The following ASAP1 variants were observed in gnomAD, a reference collection of about 807,000 sequenced individuals.
ASAP1 encodes ArfGAP with SH3 domain, ankyrin repeat and PH domain 1, also known as arf-GAP with SH3 domain, ANK repeat and PH domain-containing protein 1.
Under a neutral mutation model 145.2 loss-of-function variants are expected in ASAP1, and 43 were observed. The ratio of observed to expected loss-of-function variants is 0.30; its 90% confidence interval spans 0.23 to 0.38. The LOEUF is 0.38. ASAP1 is among the 10% of genes least tolerant of loss of function. The probability of loss-of-function intolerance (pLI) is 1.00; values close to 1 mark genes in which losing one functional copy is unlikely to be tolerated. For synonymous variants in ASAP1, 546 were observed against 515.5 expected, an observed-to-expected ratio of 1.06 and a Z score of -0.80; for missense variants, 1,018 against 1,355.3, an observed-to-expected ratio of 0.75 and a Z score of 3.91.
chr8:130,267,125 A>C (rs1389978660), intron 3 of ASAP1, among the ~76,000 whole-genome samples: 1 of 141,494 alleles, frequency 7.1e-6, no homozygotes, highest in South Asian at 2.2e-4. Flanking sequence ...CAAACAAACA[A>C]AAAAAAAACA....
At chr8:130,306,808 C>T (rs994423241) in intron 3 of ASAP1, among the ~76,000 whole-genome samples, 5 of 152,212 alleles carry the variant, frequency 3.3e-5, no homozygotes, top group African/African-American at 9.6e-5. Flanking sequence ...TATTCCCCAT[C>T]TCTCTGTCTT....
intron 2 of ASAP1, among the ~76,000 whole-genome samples, chr8:130,373,027 C>T (rs1343152402): frequency 1.3e-5 from 2 of 151,494 alleles, no homozygotes; most frequent in East Asian, 3.9e-4. Flanking sequence ...CACAGACACA[C>T]ACACACATAC....
chr8:130,122,094 C>T (rs55823176), intron 18 of ASAP1, among the ~76,000 whole-genome samples: 4,010 of 152,244 alleles, frequency 0.026, 63 homozygotes, highest in Middle Eastern at 0.044. Context: ...CCTTCATGCC[C>T]CTCAATTCTG....
chr8:130,426,718 T>A (rs1401141324), intron 1 of ASAP1, among the ~76,000 whole-genome samples: 3 of 152,164 alleles, frequency 2.0e-5, no homozygotes, highest in African/African-American at 7.2e-5. Context: ...CTCCCTCAGC[T>A]CCTTTGGGTC....
intron 27 of ASAP1, among the ~76,000 whole-genome samples, chr8:130,066,300 T>C (rs1242910051): frequency 6.6e-6 from 1 of 152,230 alleles, no homozygotes; most frequent in African/African-American, 2.4e-5. Flanking sequence ...CACAGGCTTG[T>C]ACTGCTGGTT....
At chr8:130,315,625 T>C (rs568715860) in intron 3 of ASAP1, among the ~76,000 whole-genome samples, 3 of 152,292 alleles carry the variant, frequency 2.0e-5, no homozygotes, top group South Asian at 2.1e-4. Flanking sequence ...TCCCATGAGG[T>C]GTCTGGAGTG....
intron 12 of ASAP1, among the ~76,000 whole-genome samples, chr8:130,154,879 T>G (rs1435416297): frequency 6.6e-6 from 1 of 152,192 alleles, no homozygotes; most frequent in Non-Finnish European, 1.5e-5. Context: ...ATCACATACT[T>G]TCTTCTAGAA....
rs151253308 is a variant in ASAP1, at chr8:130,071,327, A to G, written c.2701+5021T>C. The stretch of plus-strand genomic sequence containing the variant: ...TAAAAAACTGTAACCATGTTTTTAA[A>G]TATTATGTCAAAATTCCTGAGGGCA... On this transcript the variant is annotated intron_variant, in intron 27 of 29. Coordinates refer to ENST00000518721, the MANE Select transcript of ASAP1 (RefSeq NM_018482.4). 8.2e-3 allele frequency among the ~76,000 whole-genome samples: 1,250 copies of G among 152,338 alleles called. 15 individuals are homozygous for G. The highest frequency in any genetic ancestry group is 0.029 in the African/African-American group (1,201 of 41,568).
At chr8:130,149,688 C>T (rs549743025) in intron 13 of ASAP1, among the ~76,000 whole-genome samples, 1 of 152,304 alleles carries the variant, frequency 6.6e-6, no homozygotes, top group African/African-American at 2.4e-5. Context: ...CTTCTCCCCA[C>T]TTTTTCAAAG....
intron 5 of ASAP1, among the ~76,000 whole-genome samples, chr8:130,207,118 T>G (rs944339546): frequency 6.6e-6 from 1 of 152,108 alleles, no homozygotes; most frequent in African/African-American, 2.4e-5. Flanking sequence ...GAAAGCTGCA[T>G]TGCAAAGAAA....
chr8:130,422,516 TC>T (rs957528023), intron 1 of ASAP1, among the ~76,000 whole-genome samples: 1 of 152,214 alleles, frequency 6.6e-6, no homozygotes, highest in African/African-American at 2.4e-5. Flanking sequence ...CTCCCTTGCC[TC>T]GGGCTTCTCT....
chr8:130,317,645 T>A (rs1823746555), intron 3 of ASAP1, among the ~76,000 whole-genome samples: 1 of 152,214 alleles, frequency 6.6e-6, no homozygotes, highest in South Asian at 2.1e-4. Context: ...TCCACACAGT[T>A]TAGTGCACTT....
intron 1 of ASAP1, among the ~76,000 whole-genome samples, chr8:130,412,715 G>A (rs1329427343): frequency 2.0e-5 from 3 of 150,836 alleles, no homozygotes; most frequent in African/African-American, 4.9e-5. Context: ...GCAGTGGTGC[G>A]ATCCTGGCTC....
intron 1 of ASAP1, among the ~76,000 whole-genome samples, chr8:130,416,290 A>G (rs1319769577): frequency 6.6e-6 from 1 of 151,802 alleles, no homozygotes; most frequent in Non-Finnish European, 1.5e-5. Context: ...GCAACCCCAC[A>G]CTCCGTCTCT....
chr8:130,364,119 A>T (rs1340833490), intron 2 of ASAP1, among the ~76,000 whole-genome samples: 1 of 152,216 alleles, frequency 6.6e-6, no homozygotes, highest in Non-Finnish European at 1.5e-5. Context: ...AAATACTCCA[A>T]GCAAAACCAC....
intron 18 of ASAP1, among the ~76,000 whole-genome samples, chr8:130,122,649 T>C (rs2097568387): frequency 6.6e-6 from 1 of 152,178 alleles, no homozygotes; most frequent in Admixed American, 6.5e-5. Flanking sequence ...CAAGGTCACA[T>C]AGTTTAGGAA....
rs1828818101 is a variant in ASAP1, at chr8:130,401,981, G to A, written c.-27-11C>T. 6.3e-7 allele frequency: 1 copy of A among 1,587,268 alleles called. No homozygotes were observed. Among genetic ancestry groups the A allele is most frequent in the Admixed American group, 1.7e-5 (1 of 58,878 alleles). On this transcript the variant is annotated splice_polypyrimidine_tract_variant and intron_variant, in intron 1 of 29. Coordinates refer to ENST00000518721, the MANE Select transcript of ASAP1 (RefSeq NM_018482.4). Reference sequence around the variant, plus strand: ...ACATCAGAAAACGACCTGGATAGGGGGCAGGACAAAAAGGGGACAAGAGTC... The same window carrying A: ...ACATCAGAAAACGACCTGGATAGGGAGCAGGACAAAAAGGGGACAAGAGTC...
intron 27 of ASAP1, among the ~76,000 whole-genome samples, chr8:130,061,967 C>T (rs546011504): frequency 3.3e-4 from 50 of 152,292 alleles, no homozygotes; most frequent in Middle Eastern, 3.4e-3. Context: ...AATTACACAA[C>T]CTCTCTATGC....
At position 130,140,803 on chromosome 8, in the gene ASAP1, T is replaced by C. The variant is rs148518423; in HGVS notation, c.1081-3765A>G. Reference sequence around the variant, plus strand: ...AATGGCCATCATCCCAAATGTGACTTTGAGGAGCCAAGTACGCATAAGTTT... The same window carrying C: ...AATGGCCATCATCCCAAATGTGACTCTGAGGAGCCAAGTACGCATAAGTTT... On this transcript the variant is annotated intron_variant, in intron 13 of 29. Coordinates refer to ENST00000518721, the MANE Select transcript of ASAP1 (RefSeq NM_018482.4). 1.2e-3 allele frequency among the ~76,000 whole-genome samples: 183 copies of C among 152,290 alleles called. 1 individual carries two copies. Among genetic ancestry groups the C allele is most frequent in the African/African-American group, 4.1e-3 (170 of 41,562 alleles).
Sources: allele counts gnomAD v4.1 joint callset (sites outside exome capture counted in the v4.1 genomes callset), GRCh38; gene constraint gnomAD v4.1.1; transcripts MANE v1.5; gene names NCBI Gene and HGNC (gene_info 2026-07-23, HGNC 2026-07-21).